Variants in EGFLAM observed in about 807,000 individuals in gnomAD.
The protein encoded by EGFLAM is EGF like, fibronectin type III and laminin G domains.
In EGFLAM, 79 loss-of-function variants were observed where a neutral mutation model predicts 113.1. That is an observed-to-expected ratio of 0.70 (90% CI 0.58 to 0.84). The LOEUF is 0.84. Among genes scored for constraint, EGFLAM ranks in the 40% least tolerant of loss-of-function variants. EGFLAM has a pLI of 0.00. For missense variants in EGFLAM, 1,265 were observed against 1,291.6 expected (o/e 0.98, Z 0.32); for synonymous variants, 504 against 487.6 (o/e 1.03, Z -0.44).
chr5:38,438,208 G>T (rs1019608659), intron 16 of EGFLAM, 67 bp from the exon 17 acceptor site: 2 of 1,519,652 alleles, frequency 1.3e-6, no homozygotes, highest in Admixed American at 4.0e-5. Flanking sequence ...ATTTGCCAAG[G>T]GAAGCTTTAG....
At chr5:38,422,381 C>T (rs1741856962) in intron 12 of EGFLAM, among the ~76,000 whole-genome samples, 1 of 152,184 alleles carries the variant, frequency 6.6e-6, no homozygotes, top group Non-Finnish European at 1.5e-5. Context: ...TCTGCACTCA[C>T]CCTTCCTGGC....
intron 6 of EGFLAM, among the ~76,000 whole-genome samples, chr5:38,381,877 A>T (rs1168040352): frequency 1.3e-5 from 2 of 152,168 alleles, no homozygotes; most frequent in African/African-American, 4.8e-5. Context: ...TTGGTCCAGG[A>T]TCTGCCACTT....
At chr5:38,266,813 TG>T (rs1368726705) in intron 1 of EGFLAM, among the ~76,000 whole-genome samples, 2 of 152,206 alleles carry the variant, frequency 1.3e-5, no homozygotes, top group African/African-American at 4.8e-5. Context: ...GATATGTTAC[TG>T]GGAGTCAGTG....
intron 17 of EGFLAM, among the ~76,000 whole-genome samples, chr5:38,441,766 C>A (rs1359235642): frequency 6.6e-6 from 1 of 152,120 alleles, no homozygotes; most frequent in African/African-American, 2.4e-5. Context: ...GAGTACAGGA[C>A]ACAGATGTTT....
chr5:38,440,764 A>G (rs1194264904), intron 17 of EGFLAM, among the ~76,000 whole-genome samples: 1 of 152,212 alleles, frequency 6.6e-6, no homozygotes, highest in Admixed American at 6.5e-5. Flanking sequence ...AAGTTAAACC[A>G]GTCCTTTTAC....
chr5:38,282,954 C>T (rs1481721500), intron 1 of EGFLAM, among the ~76,000 whole-genome samples: 2 of 152,096 alleles, frequency 1.3e-5, no homozygotes, highest in Non-Finnish European at 2.9e-5. Context: ...AAGTGATCCT[C>T]CCACCTCAGC....
chr5:38,357,883 T>TTG (rs1739805041), intron 5 of EGFLAM, among the ~76,000 whole-genome samples: 1 of 142,446 alleles, frequency 7.0e-6, no homozygotes. Context: ...TTTTTTTTGA[T>TTG]ATTGAGTCTT....
intron 1 of EGFLAM, among the ~76,000 whole-genome samples, chr5:38,324,165 T>G (rs974148854): frequency 2.0e-5 from 3 of 152,046 alleles, no homozygotes; most frequent in African/African-American, 7.2e-5. Context: ...CTCTGGTGGC[T>G]GGAAGAGATT....
At chr5:38,428,250 G>A (rs767670385) in intron 14 of EGFLAM, among the ~76,000 whole-genome samples, 9 of 152,138 alleles carry the variant, frequency 5.9e-5, no homozygotes, top group Non-Finnish European at 1.2e-4. Context: ...GAGTATGTAG[G>A]TGAGATGCTA....
chr5:38,403,019 C>T (rs1237409002), intron 6 of EGFLAM, among the ~76,000 whole-genome samples: 1 of 152,192 alleles, frequency 6.6e-6, no homozygotes, highest in Non-Finnish European at 1.5e-5. Flanking sequence ...CAAAAGCCAG[C>T]TTGCTTTATG....
intron 1 of EGFLAM, among the ~76,000 whole-genome samples, chr5:38,261,640 C>T (rs909895095): frequency 2.0e-5 from 3 of 152,106 alleles, no homozygotes; most frequent in African/African-American, 2.4e-5. Context: ...GTGGAGCTCC[C>T]GTGGGTCAGA....
chr5:38,452,229 C>T (rs1742942883), intron 19 of EGFLAM, among the ~76,000 whole-genome samples: 3 of 152,006 alleles, frequency 2.0e-5, no homozygotes, highest in East Asian at 4.0e-4. Flanking sequence ...GACGGGGTTT[C>T]ACCATGTTGG....
intron 10 of EGFLAM, among the ~76,000 whole-genome samples, chr5:38,411,674 G>T (rs1239930838): frequency 6.6e-6 from 1 of 151,672 alleles, no homozygotes; most frequent in Non-Finnish European, 1.5e-5. Flanking sequence ...GTAGAGACAG[G>T]GTTTCACCAT....
chr5:38,386,875 C>A (rs1356109545), intron 6 of EGFLAM, among the ~76,000 whole-genome samples: 1 of 152,178 alleles, frequency 6.6e-6, no homozygotes, highest in African/African-American at 2.4e-5. Context: ...GGGTCATAAT[C>A]CAGTCCAGTG....
At position 38,463,814 on chromosome 5, in the gene EGFLAM, C is replaced by T. The variant is rs988672682; in HGVS notation, c.2876-18C>T. On this transcript the variant is annotated intron_variant, in intron 21 of 21. Transcript: ENST00000322350. The stretch of plus-strand genomic sequence containing the variant: ...CCTGTCCTTTGGCTCACCTCATCTC[C>T]CTCTTGCTTCCTGGCAGGTGGAATG... 7.4e-6 allele frequency: 12 copies of T among 1,610,940 alleles called. No individual in the cohort carries two copies. Among genetic ancestry groups the T allele is most frequent in the Admixed American group, 1.7e-5 (1 of 59,992 alleles).
At chr5:38,340,866 G>C (rs963853946) in intron 3 of EGFLAM, among the ~76,000 whole-genome samples, 1 of 103,204 alleles carries the variant, frequency 9.7e-6, no homozygotes, top group African/African-American at 4.0e-5. Context: ...GGGGGTGGGG[G>C]GTGGGGAGAG....
chr5:38,402,501 A>G (rs1332313201), intron 6 of EGFLAM, among the ~76,000 whole-genome samples: 1 of 152,362 alleles, frequency 6.6e-6, no homozygotes, highest in Non-Finnish European at 1.5e-5. Flanking sequence ...CTCAAATTCT[A>G]GGATCTTTCT....
At chr5:38,330,509 G>A (rs1739013205) in intron 1 of EGFLAM, among the ~76,000 whole-genome samples, 1 of 152,270 alleles carries the variant, frequency 6.6e-6, no homozygotes, top group Admixed American at 6.5e-5. Context: ...CTCTAATAGA[G>A]CCATTGGAGA....
At chr5:38,403,700 A>C (rs955362806) in intron 6 of EGFLAM, 11 of 1,382,054 alleles carry the variant, frequency 8.0e-6, no homozygotes, top group Non-Finnish European at 9.6e-6. Flanking sequence ...GGAATTTCCC[A>C]TTTAATATTT....
Sources: gnomAD v4.1 joint callset for allele counts (sites outside exome capture counted in the v4.1 genomes callset) on GRCh38, gnomAD v4.1.1 for gene constraint, MANE v1.5 for transcripts, NCBI Gene and HGNC (gene_info 2026-07-23, HGNC 2026-07-21) for gene names.